HS6ST3: variants seen among roughly 807,000 people sequenced by gnomAD.
HS6ST3 encodes heparan sulfate 6-O-sulfotransferase 3.
In HS6ST3, 12 loss-of-function variants were observed where a neutral mutation model predicts 36.7. The observed-to-expected ratio is 0.33, with a 90% CI of 0.21 to 0.53. The LOEUF is 0.53. HS6ST3 is among the 20% of genes least tolerant of loss of function. The pLI is 0.95. For missense variants in HS6ST3, 584 were observed against 640.9 expected, an observed-to-expected ratio of 0.91 and a Z score of 0.96; for synonymous variants, 240 against 257.5, an observed-to-expected ratio of 0.93 and a Z score of 0.65.
intron 1 of HS6ST3, among the ~76,000 whole-genome samples, chr13:96,108,174 C>G (rs527777750): frequency 6.6e-6 from 1 of 152,162 alleles, no homozygotes; most frequent in South Asian, 2.1e-4. Context: ...AAAAAGAATG[C>G]ATTCCCAGGG....
rs1055488562 is a variant in HS6ST3, at chr13:96,739,244, T to A, written c.708-93246T>A. On this transcript the variant is annotated intron_variant, in intron 1 of 1. Coordinates refer to ENST00000376705, the MANE Select transcript of HS6ST3 (RefSeq NM_153456.4). ...TTGTGTGTGTGTGTGTGTGTGTGTG[T>A]GTGTGTGTGTGTGTGTGTGTGTGTG... Among the ~76,000 whole-genome samples the A allele has an allele frequency of 1.2e-3, 175 of 150,600 alleles. 1 individual carries two copies. Among genetic ancestry groups the A allele is most frequent in the African/African-American group, 3.1e-3 (128 of 41,044 alleles).
At chr13:96,447,140 A>G (rs2055703049) in intron 1 of HS6ST3, among the ~76,000 whole-genome samples, 3 of 151,988 alleles carry the variant, frequency 2.0e-5, no homozygotes, top group Admixed American at 2.0e-4. Context: ...ACCAACTTCT[A>G]TCTTCTTGTT....
At chr13:96,688,125 G>A (rs906814424) in intron 1 of HS6ST3, among the ~76,000 whole-genome samples, 3 of 150,900 alleles carry the variant, frequency 2.0e-5, no homozygotes, top group Non-Finnish European at 4.4e-5. Context: ...TGTAAATGAC[G>A]AGTTAATGGG....
At chr13:96,140,635 A>C (rs777760202) in intron 1 of HS6ST3, among the ~76,000 whole-genome samples, 12 of 152,234 alleles carry the variant, frequency 7.9e-5, no homozygotes, top group Non-Finnish European at 1.8e-4. Flanking sequence ...AAAATAAATG[A>C]ATTTTGCATA....
intron 1 of HS6ST3, among the ~76,000 whole-genome samples, chr13:96,418,416 A>G (rs967897800): frequency 1.3e-5 from 2 of 152,138 alleles, no homozygotes; most frequent in Non-Finnish European, 2.9e-5. Flanking sequence ...TGTATATATG[A>G]TATATGTTAA....
chr13:96,365,750 A>G (rs1055286243), intron 1 of HS6ST3, among the ~76,000 whole-genome samples: 1 of 152,220 alleles, frequency 6.6e-6, no homozygotes, highest in Non-Finnish European at 1.5e-5. Context: ...TTTCAAGTTT[A>G]TCAGACTAGG....
At chr13:96,312,455 T>C (rs1021937741) in intron 1 of HS6ST3, among the ~76,000 whole-genome samples, 12 of 152,318 alleles carry the variant, frequency 7.9e-5, no homozygotes, top group Admixed American at 3.9e-4. Context: ...TAATAAATTA[T>C]AGTTTGTTAA....
chr13:96,390,424 G>A (rs763903668), intron 1 of HS6ST3, among the ~76,000 whole-genome samples: 53 of 152,216 alleles, frequency 3.5e-4, no homozygotes, highest in Middle Eastern at 3.4e-3. Context: ...CTTCTGCCAC[G>A]TGAGGATACG....
intron 1 of HS6ST3, among the ~76,000 whole-genome samples, chr13:96,475,073 C>A (rs1269790360): frequency 1.4e-5 from 2 of 145,964 alleles, no homozygotes; most frequent in Non-Finnish European, 3.0e-5. Context: ...AGTGAGGCTA[C>A]TTTTTTTTTT....
chr13:96,787,113 A>G (rs1877671507), intron 1 of HS6ST3, among the ~76,000 whole-genome samples: 2 of 152,166 alleles, frequency 1.3e-5, no homozygotes, highest in Admixed American at 6.5e-5. Flanking sequence ...CAGTTTGTTT[A>G]TCTATTCACC....
intron 1 of HS6ST3, among the ~76,000 whole-genome samples, chr13:96,507,983 C>G (rs759007065): frequency 6.6e-6 from 1 of 151,904 alleles, no homozygotes; most frequent in Non-Finnish European, 1.5e-5. Context: ...ATAAGAGTGA[C>G]GAAGAACTTT....
At chr13:96,128,461 T>C (rs1007940517) in intron 1 of HS6ST3, among the ~76,000 whole-genome samples, 3 of 152,174 alleles carry the variant, frequency 2.0e-5, no homozygotes, top group Non-Finnish European at 4.4e-5. Flanking sequence ...TGGAAGAAGT[T>C]GCAAGCTGGA....
At chr13:96,762,979 C>G (rs1766312409) in intron 1 of HS6ST3, among the ~76,000 whole-genome samples, 1 of 152,112 alleles carries the variant, frequency 6.6e-6, no homozygotes, top group Admixed American at 6.6e-5. Flanking sequence ...AAAAGAGAGA[C>G]TAGAATCAAG....
chr13:96,673,297 C>T (rs2056688335), intron 1 of HS6ST3, among the ~76,000 whole-genome samples: 6 of 152,140 alleles, frequency 3.9e-5, no homozygotes, highest in Non-Finnish European at 1.5e-5. Flanking sequence ...AACTTAATCA[C>T]ATTTGCAAAG....
At chr13:96,252,116 A>G (rs1387449607) in intron 1 of HS6ST3, among the ~76,000 whole-genome samples, 1 of 152,144 alleles carries the variant, frequency 6.6e-6, no homozygotes, top group Non-Finnish European at 1.5e-5. Flanking sequence ...TTGTGTCTGG[A>G]AAGTGGACTA....
At chr13:96,565,113 T>C (rs1485367842) in intron 1 of HS6ST3, among the ~76,000 whole-genome samples, 2 of 151,756 alleles carry the variant, frequency 1.3e-5, no homozygotes, top group Admixed American at 1.3e-4. Flanking sequence ...TTTATCTCTC[T>C]CCCCTTCTAA....
At chr13:96,312,382 A>G (rs1007970638) in intron 1 of HS6ST3, among the ~76,000 whole-genome samples, 12 of 152,192 alleles carry the variant, frequency 7.9e-5, no homozygotes, top group Non-Finnish European at 1.2e-4. Context: ...CATTGTCGTC[A>G]GTGAATGTGA....
chr13:96,140,727 T>C (rs540479454), intron 1 of HS6ST3, among the ~76,000 whole-genome samples: 16 of 152,340 alleles, frequency 1.1e-4, no homozygotes, highest in Admixed American at 9.1e-4. Context: ...GTACTTCTTA[T>C]GAAATCCTTT....
intron 1 of HS6ST3, among the ~76,000 whole-genome samples, chr13:96,442,851 C>A (rs918653135): frequency 2.7e-5 from 4 of 150,034 alleles, no homozygotes; most frequent in Non-Finnish European, 5.9e-5. Flanking sequence ...AAAAAACCCA[C>A]TGAAATTCTA....
Sources: allele counts gnomAD v4.1 joint callset (sites outside exome capture counted in the v4.1 genomes callset), GRCh38; gene constraint gnomAD v4.1.1; transcripts MANE v1.5; gene names NCBI Gene and HGNC (gene_info 2026-07-23, HGNC 2026-07-21).